Variants in OR2C1 observed in about 807,000 individuals in gnomAD.
OR2C1 encodes the protein olfactory receptor family 2 subfamily C member 1, also known as olfactory receptor 2C1.
For missense variants in OR2C1, 468 were observed against 388.3 expected, an observed-to-expected ratio of 1.21 and a Z score of -1.73; for synonymous variants, 209 against 167.3, an observed-to-expected ratio of 1.25 and a Z score of -1.92.
At chr16:3,324,721 G>C in the OR2C1 span, among the ~76,000 whole-genome samples, 1 of 151,856 alleles carries the variant, frequency 6.6e-6, no homozygotes, top group African/African-American at 2.4e-5. Context: ...CCCAAATCTG[G>C]GACTGCAGGT....
At chr16:3,330,541 A>G in the OR2C1 span, among the ~76,000 whole-genome samples, 1 of 152,162 alleles carries the variant, frequency 6.6e-6, no homozygotes, top group African/African-American at 2.4e-5. Flanking sequence ...AAAGCCAAAG[A>G]GTTTTACATA....
the OR2C1 span, among the ~76,000 whole-genome samples, chr16:3,349,252 G>T: frequency 6.6e-6 from 1 of 152,170 alleles, no homozygotes; most frequent in Admixed American, 6.5e-5. Context: ...TTACTAATCT[G>T]TGTTTGGGGA....
chr16:3,328,660 T>C, the OR2C1 span, among the ~76,000 whole-genome samples: 1 of 152,186 alleles, frequency 6.6e-6, no homozygotes, highest in African/African-American at 2.4e-5. Flanking sequence ...TGGGGTTCTG[T>C]GCTCACCCTC....
chr16:3,348,898 AACTGGG>A, the OR2C1 span, among the ~76,000 whole-genome samples: 4,007 of 152,174 alleles, frequency 0.026, 184 homozygotes, highest in African/African-American at 0.09. Context: ...GGAACCAGAG[AACTGGG>A]ACTCCCCCTC....
the OR2C1 span, among the ~76,000 whole-genome samples, chr16:3,347,804 G>A: frequency 2.0e-4 from 29 of 147,088 alleles, no homozygotes; most frequent in African/African-American, 3.8e-4. Flanking sequence ...ATGCACACAC[G>A]CACGTGCACA....
chr16:3,327,501 A>G, the OR2C1 span, among the ~76,000 whole-genome samples: 1 of 152,008 alleles, frequency 6.6e-6, no homozygotes, highest in African/African-American at 2.4e-5. Context: ...CAACTTCTCA[A>G]GATGGCTTTG....
chr16:3,350,184 C>G, the OR2C1 span, among the ~76,000 whole-genome samples: 2 of 147,672 alleles, frequency 1.4e-5, no homozygotes, highest in Non-Finnish European at 3.0e-5. Flanking sequence ...ACCTCCCAAG[C>G]AGCTGGAATT....
chr16:3,357,685 A>G (rs1327689419), downstream of OR2C1, among the ~76,000 whole-genome samples: 2 of 152,138 alleles, frequency 1.3e-5, no homozygotes, highest in African/African-American at 2.4e-5. Flanking sequence ...GTCTCTTCTT[A>G]ATAATGCAGT....
At chr16:3,346,770 C>T in the OR2C1 span, among the ~76,000 whole-genome samples, 1 of 151,122 alleles carries the variant, frequency 6.6e-6, no homozygotes, top group African/African-American at 2.4e-5. Flanking sequence ...GCTGGGACTA[C>T]AGACACCCGC....
At chr16:3,324,862 A>G in the OR2C1 span, among the ~76,000 whole-genome samples, 1 of 152,366 alleles carries the variant, frequency 6.6e-6, no homozygotes, top group East Asian at 1.9e-4. Flanking sequence ...GGCCCATGCA[A>G]TAACATGAAT....
chr16:3,327,234 C>A, the OR2C1 span, among the ~76,000 whole-genome samples: 9 of 152,062 alleles, frequency 5.9e-5, no homozygotes, highest in Non-Finnish European at 1.3e-4. Flanking sequence ...TTTATCCCCT[C>A]CAGTTTTTTT....
chr16:3,330,255 C>T, the OR2C1 span, among the ~76,000 whole-genome samples: 6 of 151,950 alleles, frequency 3.9e-5, no homozygotes, highest in South Asian at 6.2e-4. Flanking sequence ...TATAGGCGCC[C>T]GCCACCACAC....
chr16:3,326,824 C>G, the OR2C1 span, among the ~76,000 whole-genome samples: 62,515 of 151,976 alleles, frequency 0.41, 13,629 homozygotes, highest in African/African-American at 0.52. Flanking sequence ...GAAACTGGGA[C>G]ATAGATGAGC....
the OR2C1 span, among the ~76,000 whole-genome samples, chr16:3,346,500 C>T: frequency 6.6e-6 from 1 of 151,962 alleles, no homozygotes; most frequent in Non-Finnish European, 1.5e-5. Flanking sequence ...GCAACCTCAA[C>T]TGGAAACAAA....
At chr16:3,335,442 T>C in the OR2C1 span, among the ~76,000 whole-genome samples, 1 of 151,934 alleles carries the variant, frequency 6.6e-6, no homozygotes. Flanking sequence ...TATTTGAAGC[T>C]ATTGCAAGTG....
the OR2C1 span, among the ~76,000 whole-genome samples, chr16:3,332,122 T>C: frequency 2.0e-5 from 3 of 149,414 alleles, no homozygotes; most frequent in Admixed American, 6.7e-5. Flanking sequence ...ATATACCTAA[T>C]GCTAGATGAC....
the OR2C1 span, among the ~76,000 whole-genome samples, chr16:3,334,852 CT>C: frequency 6.6e-6 from 1 of 150,938 alleles, no homozygotes; most frequent in Non-Finnish European, 1.5e-5. Flanking sequence ...GAGTCTCACT[CT>C]TGTTGCCCAG....
the OR2C1 span, among the ~76,000 whole-genome samples, chr16:3,347,916 G>T: frequency 2.3e-4 from 35 of 152,004 alleles, no homozygotes; most frequent in Admixed American, 1.0e-3. Context: ...ATTTTCTTAT[G>T]GTAGGTGGAA....
chr16:3,353,991 T>A (rs199673418), upstream of OR2C1, among the ~76,000 whole-genome samples: 1 of 81,450 alleles, frequency 1.2e-5, no homozygotes, highest in African/African-American at 4.7e-5. Context: ...TTCTTTTTTT[T>A]TTTTTTTTTT....
Sources: gnomAD v4.1 joint callset for allele counts (sites outside exome capture counted in the v4.1 genomes callset) on GRCh38, gnomAD v4.1.1 for gene constraint, MANE v1.5 for transcripts, NCBI Gene and HGNC (gene_info 2026-07-23, HGNC 2026-07-21) for gene names.